The following TNNC2 variants were observed in gnomAD, a reference collection of about 807,000 sequenced individuals.
TNNC2 encodes the protein troponin C2, fast skeletal type, also known as troponin C, skeletal muscle.
Under a neutral mutation model 20.0 loss-of-function variants are expected in TNNC2, and 14 were observed. The observed-to-expected ratio is 0.70, with a 90% CI of 0.46 to 1.09. The LOEUF (loss-of-function observed/expected upper bound fraction) is 1.09, where lower values mean the gene tolerates loss of function less well. Ranked by LOEUF, TNNC2 falls within the 50% of genes least tolerant of loss-of-function variation. The probability of loss-of-function intolerance (pLI) is 0.00; values close to 1 mark genes in which losing one functional copy is unlikely to be tolerated. For synonymous variants in TNNC2, 81 were observed against 77.3 expected, an observed-to-expected ratio of 1.05 and a Z score of -0.25; for missense variants, 163 against 223.8, an observed-to-expected ratio of 0.73 and a Z score of 1.73.
Position 45,824,143 on chromosome 20 carries a change from A to T in TNNC2, c.315-16T>A, listed in dbSNP as rs1568720040. 5 of 1,613,258 alleles carry T rather than the reference A, an allele frequency of 3.1e-6. No individual in the cohort carries two copies. Among genetic ancestry groups the T allele is most frequent in the Non-Finnish European group, 3.4e-6 (4 of 1,179,830 alleles). ...GTCTGCATTCCTTCAGGTCCGAGGG[A>T]CAGGGCAGGGCTCAGGGCCGGGGCG... On this transcript the variant is annotated splice_polypyrimidine_tract_variant and intron_variant, in intron 4 of 5. Transcript: ENST00000372555.
At chr20:45,826,339 T>C (rs437122) in intron 1 of TNNC2, among the ~76,000 whole-genome samples, 102,001 of 152,122 alleles carry the variant, frequency 0.67, 34,307 homozygotes, top group Admixed American at 0.74. Flanking sequence ...AGTCGGAGGC[T>C]GTCAGCTTCC....
chr20:45,831,639 GGAA>G (rs200138085), upstream of TNNC2, among the ~76,000 whole-genome samples: 7,065 of 151,988 alleles, frequency 0.046, 170 homozygotes, highest in Middle Eastern at 0.095. Context: ...AAATAAAAAA[GGAA>G]GAAGAAGCAG....
chr20:45,827,421 C>A, upstream of TNNC2: 1 of 708,654 alleles, frequency 1.4e-6, no homozygotes, highest in East Asian at 2.7e-5. Flanking sequence ...GTCAGCGAGT[C>A]CCACCCCTCC....
At chr20:45,829,196 C>G (rs1983050727), upstream of TNNC2, among the ~76,000 whole-genome samples, 1 of 121,910 alleles carries the variant, frequency 8.2e-6, no homozygotes, top group Non-Finnish European at 1.6e-5. Context: ...CAGAGTTTTG[C>G]TCTTGTTGCC....
chr20:45,824,217 CG>C, intron 4 of TNNC2, 74 bp downstream of exon 4: 2 of 1,600,230 alleles, frequency 1.2e-6, no homozygotes, highest in South Asian at 2.2e-5. Context: ...ACTCCCAACA[CG>C]GGGAAGCTTC....
chr20:45,832,042 T>A (rs1362154821), upstream of TNNC2, among the ~76,000 whole-genome samples: 1 of 152,230 alleles, frequency 6.6e-6, no homozygotes, highest in East Asian at 1.9e-4. Context: ...CCAGGCACAG[T>A]GGCTCACGCC....
At chr20:45,832,288 C>T (rs767458817), upstream of TNNC2, among the ~76,000 whole-genome samples, 3 of 152,076 alleles carry the variant, frequency 2.0e-5, no homozygotes, top group East Asian at 3.9e-4. Context: ...CCAGCCTGGG[C>T]GACAGAGCAA....
chr20:45,824,887 C>A, intron 1 of TNNC2, 53 bp from the exon 2 acceptor site: 2 of 1,605,128 alleles, frequency 1.2e-6, no homozygotes, highest in South Asian at 2.2e-5. Context: ...CAGAGCAGTT[C>A]CTCACCTCAA....
rs1169390760 is a variant in TNNC2 at position 45,824,279 on chromosome 20, G to A, written c.314+13C>T. The A allele has an allele frequency of 3.1e-6, 5 of 1,608,646 alleles. No individual in the cohort carries two copies. The highest frequency in any genetic ancestry group is 4.2e-6 in the Non-Finnish European group (5 of 1,179,406). On this transcript the variant is annotated intron_variant, in intron 4 of 5. Coordinates refer to ENST00000372555, the MANE Select transcript of TNNC2 (RefSeq NM_003279.3). ...GCTAAGCCCCTCCCTCGGCTCCCGG[G>A]CCCCCAGCGCACCTGTCGAAGATGC...
At position 45,824,058 on chromosome 20, in the gene TNNC2, C is replaced by T. The variant is rs4629; in HGVS notation, c.384G>A (p.Thr128=). The change falls in exon 5 of 6, where the codon ACG becomes ACA. Residue 128 remains threonine, a synonymous_variant. Coordinates refer to ENST00000372555, the MANE Select transcript of TNNC2 (RefSeq NM_003279.3). ...TCATCAGAGATTCGATCTCCTCGTC[C>T]GTCACGTGCTCCCCGGAGGCCCTGA... is the stretch of plus-strand genomic sequence containing the variant. ...EIFRASGEHV[T]DEEIESLMKD... is the part of the protein sequence containing the mutation. 1 of 1,613,850 alleles carries T rather than the reference C, an allele frequency of 6.2e-7. No homozygotes were observed. Among genetic ancestry groups the T allele is most frequent in the Non-Finnish European group, 8.5e-7 (1 of 1,179,920 alleles).
At chr20:45,825,535 G>A (rs573880202) in intron 1 of TNNC2, among the ~76,000 whole-genome samples, 2 of 150,196 alleles carry the variant, frequency 1.3e-5, no homozygotes, top group Admixed American at 6.6e-5. Context: ...CAGGTGATCC[G>A]CCCACCTCGG....
rs1370985256 is a variant in TNNC2 at position 45,824,198 on chromosome 20, C to G, written c.315-71G>C. ...GCCCTGGCCACCACACTCGACGCCC[C>G]GCTTCCGCACTCCCAACACGGGGAA... is the stretch of plus-strand genomic sequence containing the variant. On this transcript the variant is annotated intron_variant, in intron 4 of 5. Coordinates refer to ENST00000372555, the MANE Select transcript of TNNC2 (RefSeq NM_003279.3). 2.1e-5 allele frequency: 33 copies of G among 1,599,108 alleles called. No homozygotes were observed. The African/African-American group carries it at 2.8e-4, about 14-fold the overall frequency.
chr20:45,825,900 G>A (rs1327526608), intron 1 of TNNC2, among the ~76,000 whole-genome samples: 6 of 152,184 alleles, frequency 3.9e-5, no homozygotes, highest in Admixed American at 2.6e-4. Context: ...GATTACAGGC[G>A]TGAGCCACCG....
chr20:45,825,283 C>T (rs1243026696), intron 1 of TNNC2, among the ~76,000 whole-genome samples: 2 of 151,456 alleles, frequency 1.3e-5, no homozygotes, highest in African/African-American at 4.8e-5. Context: ...AGCTTCTGAC[C>T]CCAGTTTTTG....
rs1568721228 is a variant in TNNC2, at chr20:45,827,179, G to C, written c.3+67C>G. The C allele has an allele frequency of 1.9e-6, 3 of 1,609,166 alleles. No individual in the cohort carries two copies. In the African/African-American group the frequency reaches 4.0e-5, roughly 21 times the overall value. ...AAGTTACTGCCCCACAGAGCACCCA[G>C]GCCTGGCCTGAAAGGGGTCCAGAGT... is the stretch of plus-strand genomic sequence containing the variant. On this transcript the variant is annotated intron_variant, in intron 1 of 5. Coordinates refer to ENST00000372555, the MANE Select transcript of TNNC2 (RefSeq NM_003279.3).
Position 45,824,125 on chromosome 20 carries a change from T to C in TNNC2, c.317A>G (p.Asn106Ser), listed in dbSNP as rs771556542. 24 of 1,613,672 alleles carry C rather than the reference T, an allele frequency of 1.5e-5. No homozygotes were observed. The highest frequency in any genetic ancestry group is 1.9e-5 in the Non-Finnish European group (23 of 1,179,942). The change falls in exon 5 of 6, where the codon AAT (asparagine) becomes AGT (serine). Residue 106 changes from asparagine (N) to serine (S), a missense_variant and splice_region_variant. Physicochemically the swap from Asn to Ser is conservative, Grantham distance 46 (BLOSUM62 1). Coordinates refer to ENST00000372555, the MANE Select transcript of TNNC2 (RefSeq NM_003279.3). ...LAECFRIFDR[N>S]ADGYIDPEEL... The stretch of plus-strand genomic sequence containing the variant: ...CTCCGGGTCGATGTAGCCGTCTGCA[T>C]TCCTTCAGGTCCGAGGGACAGGGCA...
exon 2 of TNNC2, chr20:45,833,297 G>C (rs1983182422): frequency 6.6e-6 from 1 of 152,252 alleles, no homozygotes; most frequent in Non-Finnish European, 1.5e-5. Flanking sequence ...CCATGTGTGA[G>C]GTTCAAATCA....
At chr20:45,824,752 C>T (rs1320523594) in intron 2 of TNNC2, 31 bp downstream of exon 2, 1 of 1,596,194 alleles carries the variant, frequency 6.3e-7, no homozygotes, top group East Asian at 2.3e-5. Flanking sequence ...CATACATCCA[C>T]CCAGCCCCCA....
At chr20:45,827,121 C>T in intron 1 of TNNC2, 125 bp downstream of exon 1, 1 of 1,278,006 alleles carries the variant, frequency 7.8e-7, no homozygotes. Flanking sequence ...CACCTGGGTT[C>T]CAGGAACCTC....
Sources: gnomAD v4.1 joint callset for allele counts (sites outside exome capture counted in the v4.1 genomes callset) on GRCh38, gnomAD v4.1.1 for gene constraint, MANE v1.5 for transcripts, NCBI Gene and HGNC (gene_info 2026-07-23, HGNC 2026-07-21) for gene names.